The following CACNA2D3 variants were observed in gnomAD, a reference collection of about 807,000 sequenced individuals.
CACNA2D3 encodes calcium voltage-gated channel auxiliary subunit alpha2delta 3, also known as voltage-dependent calcium channel subunit alpha-2/delta-3.
Under a neutral mutation model 160.6 loss-of-function variants are expected in CACNA2D3, and 60 were observed. The ratio of observed to expected loss-of-function variants is 0.37; its 90% CI spans 0.30 to 0.46. The LOEUF is 0.46. CACNA2D3 is among the 20% of genes least tolerant of loss of function. The probability of loss-of-function intolerance (pLI) is 1.00; values close to 1 mark genes in which losing one functional copy is unlikely to be tolerated. For missense variants in CACNA2D3, 1,205 were observed against 1,365.0 expected (o/e 0.88, Z 1.85); for synonymous variants, 558 against 492.9 (o/e 1.13, Z -1.75).
rs11929653 is a variant in CACNA2D3, at chr3:54,512,735, A to G, written c.544+9081A>G. ...TCTGTGTGTCCATGTCCTACTTCTTAGGCCACTTTGCTCCCAGGAAGCTTG... is the reference window on the plus strand; with the variant it reads ...TCTGTGTGTCCATGTCCTACTTCTTGGGCCACTTTGCTCCCAGGAAGCTTG... On this transcript the variant is annotated intron_variant, in intron 5 of 37. Coordinates refer to ENST00000474759, the MANE Select transcript of CACNA2D3 (RefSeq NM_018398.3). Among the ~76,000 whole-genome samples, 1,150 of 152,290 alleles carry G rather than the reference A, an allele frequency of 7.6e-3. 11 individuals carry two copies. Among genetic ancestry groups the G allele is most frequent in the African/African-American group, 0.025 (1,046 of 41,542 alleles).
chr3:54,717,370 T>C (rs1240789535), intron 11 of CACNA2D3, among the ~76,000 whole-genome samples: 2 of 152,254 alleles, frequency 1.3e-5, no homozygotes, highest in African/African-American at 4.8e-5. Context: ...TCAAAAGGTA[T>C]ACATGTGTTC....
At chr3:54,400,903 A>G (rs1159792519) in intron 4 of CACNA2D3, among the ~76,000 whole-genome samples, 1 of 152,208 alleles carries the variant, frequency 6.6e-6, no homozygotes, top group South Asian at 2.1e-4. Context: ...CTCCAAGAAA[A>G]GGAAATTTAT....
chr3:54,658,298 A>T (rs1315490459), intron 11 of CACNA2D3, among the ~76,000 whole-genome samples: 2 of 152,198 alleles, frequency 1.3e-5, no homozygotes, highest in Non-Finnish European at 2.9e-5. Flanking sequence ...ATATTTCACC[A>T]ACAGGGCACA....
chr3:54,773,118 A>T (rs1036283674), intron 13 of CACNA2D3, among the ~76,000 whole-genome samples: 2 of 152,216 alleles, frequency 1.3e-5, no homozygotes, highest in Non-Finnish European at 2.9e-5. Flanking sequence ...TGCATTTGCA[A>T]ATTGGACCTG....
intron 13 of CACNA2D3, among the ~76,000 whole-genome samples, chr3:54,782,761 A>G (rs1226085991): frequency 6.6e-6 from 1 of 152,174 alleles, no homozygotes; most frequent in Non-Finnish European, 1.5e-5. Context: ...TTATGACTAC[A>G]TCATTTAGAA....
chr3:54,561,170 A>G (rs1261237498), intron 5 of CACNA2D3, among the ~76,000 whole-genome samples: 2 of 152,228 alleles, frequency 1.3e-5, no homozygotes, highest in Non-Finnish European at 2.9e-5. Flanking sequence ...TTTGGGCAGT[A>G]TGACCATTTT....
chr3:54,261,876 A>G (rs1702406328), intron 2 of CACNA2D3, among the ~76,000 whole-genome samples: 1 of 152,146 alleles, frequency 6.6e-6, no homozygotes, highest in South Asian at 2.1e-4. Flanking sequence ...GAAAACATGG[A>G]ATGCGTGGTC....
chr3:54,140,231 A>T (rs985323079), intron 2 of CACNA2D3, among the ~76,000 whole-genome samples: 2 of 152,246 alleles, frequency 1.3e-5, no homozygotes, highest in African/African-American at 4.8e-5. Flanking sequence ...CCTCAAAAAG[A>T]TGATCCCTGG....
chr3:54,825,911 A>G (rs756575672), intron 14 of CACNA2D3, among the ~76,000 whole-genome samples: 4 of 152,178 alleles, frequency 2.6e-5, no homozygotes, highest in Non-Finnish European at 5.9e-5. Flanking sequence ...TGTGGAAGAT[A>G]TACTAGATTA....
chr3:54,659,333 A>G (rs1476583273), intron 11 of CACNA2D3, among the ~76,000 whole-genome samples: 5 of 152,308 alleles, frequency 3.3e-5, no homozygotes, highest in African/African-American at 1.2e-4. Context: ...CCTGCTGAGC[A>G]CTTTGCTGCA....
chr3:54,343,837 G>A (rs1420571811), intron 3 of CACNA2D3, among the ~76,000 whole-genome samples: 1 of 152,176 alleles, frequency 6.6e-6, no homozygotes, highest in African/African-American at 2.4e-5. Context: ...AGTGCAGGGA[G>A]TAAATATTGA....
intron 5 of CACNA2D3, among the ~76,000 whole-genome samples, chr3:54,539,632 C>T (rs1394573544): frequency 6.6e-6 from 1 of 152,194 alleles, no homozygotes; most frequent in Non-Finnish European, 1.5e-5. Context: ...TGACAGTGCT[C>T]ACAGAAGTGA....
At chr3:54,871,221 A>ACACC (rs1553897903) in intron 17 of CACNA2D3, among the ~76,000 whole-genome samples, 3 of 140,810 alleles carry the variant, frequency 2.1e-5, no homozygotes, top group Non-Finnish European at 4.7e-5. Context: ...ACACACACAC[A>ACACC]CACCCCCCAT....
At chr3:54,167,136 C>T (rs1700474548) in intron 2 of CACNA2D3, among the ~76,000 whole-genome samples, 1 of 152,128 alleles carries the variant, frequency 6.6e-6, no homozygotes, top group South Asian at 2.1e-4. Context: ...ATTCCCTCCA[C>T]CTTGCATTCT....
intron 2 of CACNA2D3, among the ~76,000 whole-genome samples, chr3:54,141,526 G>C (rs1699935191): frequency 6.6e-6 from 1 of 152,216 alleles, no homozygotes; most frequent in Non-Finnish European, 1.5e-5. Flanking sequence ...GGAAGAGAAG[G>C]AGAGGCAGAG....
chr3:54,804,036 AAAAGAGCTCCT>A (rs1260242315), intron 13 of CACNA2D3, among the ~76,000 whole-genome samples: 1 of 152,162 alleles, frequency 6.6e-6, no homozygotes, highest in Non-Finnish European at 1.5e-5. Flanking sequence ...GGCCTGCCCT[AAAAGAGCTCCT>A]GAAGGAAGCA....
chr3:54,471,144 G>T (rs1202286130), intron 4 of CACNA2D3, among the ~76,000 whole-genome samples: 1 of 152,116 alleles, frequency 6.6e-6, no homozygotes, highest in African/African-American at 2.4e-5. Context: ...TTCTAAAATT[G>T]ACTATGTAAT....
chr3:54,872,634 G>T (rs1699562293), intron 18 of CACNA2D3, among the ~76,000 whole-genome samples: 1 of 152,296 alleles, frequency 6.6e-6, no homozygotes, highest in South Asian at 2.1e-4. Context: ...CACACGCTCT[G>T]CACTTTGTCA....
intron 3 of CACNA2D3, among the ~76,000 whole-genome samples, chr3:54,351,539 G>A (rs1354236207): frequency 6.6e-6 from 1 of 152,164 alleles, no homozygotes; most frequent in Non-Finnish European, 1.5e-5. Flanking sequence ...GGGTAGTTGT[G>A]TTGTAATAAC....
Sources: gnomAD v4.1 joint callset for allele counts (sites outside exome capture counted in the v4.1 genomes callset) on GRCh38, gnomAD v4.1.1 for gene constraint, MANE v1.5 for transcripts, NCBI Gene and HGNC (gene_info 2026-07-23, HGNC 2026-07-21) for gene names.